AK5: variants seen among roughly 807,000 people sequenced by gnomAD.
The protein encoded by AK5 is adenylate kinase isoenzyme 5.
Under a neutral mutation model 69.5 loss-of-function variants are expected in AK5, and 27 were observed. That is an observed-to-expected ratio of 0.39 (90% CI 0.29 to 0.54). The LOEUF is 0.54. Among genes scored for constraint, AK5 ranks in the 20% least tolerant of loss-of-function variants. The probability of loss-of-function intolerance (pLI) is 0.71; values close to 1 mark genes in which losing one functional copy is unlikely to be tolerated. For synonymous variants in AK5, 260 were observed against 244.4 expected (o/e 1.06, Z -0.60); for missense variants, 531 against 700.4 (o/e 0.76, Z 2.73).
chr1:77,287,086 C>A lies in AK5; in HGVS notation c.206C>A (p.Pro69Gln). ...FVSQEKKTLP[P>Q]LNGGQSRRSF... is the part of the protein sequence containing the mutation. ...AGCCAGGAAAAGAAGACCTTACCTC[C>A]ACTAAATGGAGGACAGTCACGGAGA... Residue 69 changes from proline to glutamine, a missense_variant, in exon 2 of 14, where the codon CCA becomes CAA. By Grantham distance (76) the Pro-to-Gln change is moderately conservative. Coordinates refer to ENST00000354567, the MANE Select transcript of AK5 (RefSeq NM_174858.3). 6.2e-7 allele frequency: 1 copy of A among 1,604,024 alleles called. No homozygotes were observed. The highest frequency in any genetic ancestry group is 1.1e-5 in the South Asian group (1 of 89,394).
At chr1:77,533,531 A>C (rs967270070) in intron 12 of AK5, among the ~76,000 whole-genome samples, 4 of 125,792 alleles carry the variant, frequency 3.2e-5, no homozygotes, top group African/African-American at 8.1e-5. Flanking sequence ...AAAAAAAAAA[A>C]AAAACAGATT....
At chr1:77,409,227 C>T (rs899762914) in intron 6 of AK5, among the ~76,000 whole-genome samples, 2 of 152,112 alleles carry the variant, frequency 1.3e-5, no homozygotes, top group African/African-American at 2.4e-5. Flanking sequence ...TGAAGATTCA[C>T]GTGTATGTGT....
chr1:77,397,343 G>T (rs1244822623), intron 6 of AK5, among the ~76,000 whole-genome samples: 1 of 152,062 alleles, frequency 6.6e-6, no homozygotes, highest in Non-Finnish European at 1.5e-5. Context: ...TTCCCACAAT[G>T]AAGTAATGAT....
At chr1:77,413,566 G>A (rs199713786) in intron 7 of AK5, among the ~76,000 whole-genome samples, 14 of 152,154 alleles carry the variant, frequency 9.2e-5, no homozygotes, top group Non-Finnish European at 1.3e-4. Flanking sequence ...ATCTGGCTGC[G>A]TCACTCAACT....
chr1:77,425,854 T>G (rs921386349), intron 8 of AK5, among the ~76,000 whole-genome samples: 1 of 152,208 alleles, frequency 6.6e-6, no homozygotes, highest in Non-Finnish European at 1.5e-5. Context: ...GAATGTTTTG[T>G]TATTACAAGG....
At chr1:77,504,991 A>AT (rs1316485940) in intron 10 of AK5, among the ~76,000 whole-genome samples, 2 of 152,090 alleles carry the variant, frequency 1.3e-5, no homozygotes, top group Non-Finnish European at 2.9e-5. Flanking sequence ...TAAAACAGTG[A>AT]TTTTTTTCTC....
intron 4 of AK5, 40 bp downstream of exon 4, chr1:77,297,768 T>C: frequency 6.2e-7 from 1 of 1,605,144 alleles, no homozygotes; most frequent in Non-Finnish European, 8.5e-7. Context: ...CAAAATGTTT[T>C]CATACCGATT....
At chr1:77,380,647 A>C (rs911930037) in intron 6 of AK5, among the ~76,000 whole-genome samples, 2 of 152,338 alleles carry the variant, frequency 1.3e-5, no homozygotes, top group East Asian at 3.9e-4. Flanking sequence ...AATATGACTA[A>C]GACATGATCC....
At chr1:77,416,251 C>A (rs1650420051) in intron 7 of AK5, among the ~76,000 whole-genome samples, 1 of 151,982 alleles carries the variant, frequency 6.6e-6, no homozygotes, top group African/African-American at 2.4e-5. Context: ...TAAAGTTTCC[C>A]ACCTCTACCT....
intron 5 of AK5, among the ~76,000 whole-genome samples, chr1:77,302,297 T>C (rs1616272): frequency 0.88 from 134,592 of 152,096 alleles, 59,914 homozygotes; most frequent in Middle Eastern, 0.97. Flanking sequence ...AGATTTCCTC[T>C]CAAAAAGAGG....
chr1:77,335,714 G>A (rs1661314431), intron 5 of AK5, among the ~76,000 whole-genome samples: 1 of 152,184 alleles, frequency 6.6e-6, no homozygotes, highest in Non-Finnish European at 1.5e-5. Context: ...CTGGGGTGGA[G>A]CAGTCAGCTG....
intron 13 of AK5, among the ~76,000 whole-genome samples, chr1:77,538,486 C>T (rs142150423): frequency 2.3e-3 from 338 of 149,572 alleles, no homozygotes; most frequent in African/African-American, 8.0e-3. Flanking sequence ...CAGCCTGGAA[C>T]ATTAAAAAAA....
chr1:77,388,077 TA>T (rs1389994353), intron 6 of AK5, among the ~76,000 whole-genome samples: 1 of 152,226 alleles, frequency 6.6e-6, no homozygotes, highest in African/African-American at 2.4e-5. Flanking sequence ...CATTATGACA[TA>T]ATGCCATATT....
chr1:77,290,022 T>G lies in AK5; in HGVS notation c.247+2895T>G, dbSNP rs563992339. The stretch of plus-strand genomic sequence containing the variant: ...AAAACAAGAATGGAAAATGTAGGCT[T>G]AATTTTCATTAAAATAAGATTGCAT... On this transcript the variant is annotated intron_variant, in intron 2 of 13. Transcript: ENST00000354567. Among the ~76,000 whole-genome samples, 5 of 152,312 alleles carry G rather than the reference T, an allele frequency of 3.3e-5. No homozygotes were observed. The South Asian group carries it at 1.0e-3, about 32-fold the overall frequency.
chr1:77,538,119 CT>C (rs1230360212), intron 13 of AK5, among the ~76,000 whole-genome samples: 1 of 152,164 alleles, frequency 6.6e-6, no homozygotes, highest in Non-Finnish European at 1.5e-5. Context: ...AGGAGGATTA[CT>C]TGAGTCCAGG....
chr1:77,373,895 C>T (rs966609800), intron 6 of AK5, among the ~76,000 whole-genome samples: 18 of 151,946 alleles, frequency 1.2e-4, no homozygotes, highest in South Asian at 4.1e-4. Context: ...TAAATTATTG[C>T]GAAATCTTAA....
rs1034177799 is a variant in AK5 at position 77,394,303 on chromosome 1, T to G, written c.892-16678T>G. ...TTCTTGTCAGATAAAGAGTATGTGG[T>G]GGGGCAGCCACAAACTCAAACAAGG... On this transcript the variant is annotated intron_variant, in intron 6 of 13. Transcript: ENST00000354567. Among the ~76,000 whole-genome samples the G allele has an allele frequency of 2.0e-5, 3 of 152,212 alleles. No homozygotes were observed. In the East Asian group the frequency reaches 5.8e-4, roughly 29 times the overall value.
intron 10 of AK5, among the ~76,000 whole-genome samples, chr1:77,490,156 C>A (rs1483438350): frequency 1.3e-5 from 2 of 152,154 alleles, no homozygotes; most frequent in African/African-American, 4.8e-5. Flanking sequence ...GAATTCCTGG[C>A]CTAGAACTGA....
chr1:77,499,869 C>CTTTTTTTTTTTTTTTT (rs749712310), intron 10 of AK5, among the ~76,000 whole-genome samples: 4 of 78,776 alleles, frequency 5.1e-5, no homozygotes, highest in African/African-American at 9.1e-5. Context: ...GCCCTTTTTC[C>CTTTTTTTTTTTTTTTT]ATTTTTTTTT....
Sources: allele counts gnomAD v4.1 joint callset (sites outside exome capture counted in the v4.1 genomes callset), GRCh38; gene constraint gnomAD v4.1.1; transcripts MANE v1.5; gene names NCBI Gene and HGNC (gene_info 2026-07-23, HGNC 2026-07-21).